The following CALN1 variants were observed in gnomAD, a reference collection of about 807,000 sequenced individuals.
CALN1 encodes calneuron 1.
CALN1 carries 17 observed loss-of-function variants against 30.6 expected under a neutral mutation model. The ratio of observed to expected loss-of-function variants is 0.56; its 90% CI spans 0.38 to 0.83. The LOEUF (loss-of-function observed/expected upper bound fraction) is 0.83. CALN1 is among the 40% of genes least tolerant of loss of function. The pLI is 0.00. For synonymous variants in CALN1, 156 were observed against 131.4 expected, an observed-to-expected ratio of 1.19 and a Z score of -1.28; for missense variants, 291 against 354.9, an observed-to-expected ratio of 0.82 and a Z score of 1.45.
chr7:72,052,204 T>C (rs964178047), intron 4 of CALN1, among the ~76,000 whole-genome samples: 1 of 152,150 alleles, frequency 6.6e-6, no homozygotes, highest in African/African-American at 2.4e-5. Context: ...AAATCAATCG[T>C]TTCCTTGTGT....
At chr7:72,410,331 T>A (rs917852462) in intron 1 of CALN1, among the ~76,000 whole-genome samples, 4 of 152,178 alleles carry the variant, frequency 2.6e-5, no homozygotes, top group Admixed American at 2.6e-4. Flanking sequence ...ATCTTACTAC[T>A]AAGATGTATT....
At chr7:72,044,808 T>C (rs564472729) in intron 4 of CALN1, among the ~76,000 whole-genome samples, 104 of 151,814 alleles carry the variant, frequency 6.9e-4, no homozygotes, top group Non-Finnish European at 1.3e-3. Flanking sequence ...TTCGAAGAGA[T>C]GGGGTCTCAC....
intron 5 of CALN1, among the ~76,000 whole-genome samples, chr7:71,914,329 T>A (rs1251706132): frequency 1.3e-5 from 2 of 152,178 alleles, no homozygotes; most frequent in African/African-American, 4.8e-5. Flanking sequence ...CCTGCGTTAG[T>A]TTGCTAAGGA....
chr7:72,166,942 T>A (rs1422170094), intron 3 of CALN1, among the ~76,000 whole-genome samples: 1 of 151,648 alleles, frequency 6.6e-6, no homozygotes, highest in Non-Finnish European at 1.5e-5. Flanking sequence ...GCTGAGGAAT[T>A]AGAATTGCTT....
chr7:72,436,444 A>T (rs1397608324), intron 1 of CALN1, among the ~76,000 whole-genome samples: 4 of 152,186 alleles, frequency 2.6e-5, no homozygotes, highest in African/African-American at 9.7e-5. Context: ...CTGTGAGTCC[A>T]TTAAACATCT....
At chr7:72,237,491 G>A (rs563580482) in intron 3 of CALN1, among the ~76,000 whole-genome samples, 1 of 152,218 alleles carries the variant, frequency 6.6e-6, no homozygotes, top group Admixed American at 6.5e-5. Context: ...GAGGACTAGA[G>A]AGAGCAGCAG....
chr7:72,308,372 G>GGC (rs373934467), intron 2 of CALN1, among the ~76,000 whole-genome samples: 1 of 92,624 alleles, frequency 1.1e-5, no homozygotes, highest in Admixed American at 1.1e-4. Flanking sequence ...TGTGGGGGGG[G>GGC]GAGAGAGAGA....
chr7:71,984,939 G>C (rs559465911), intron 5 of CALN1, among the ~76,000 whole-genome samples: 2 of 152,224 alleles, frequency 1.3e-5, no homozygotes, highest in South Asian at 4.1e-4. Flanking sequence ...AAAGATGGAA[G>C]TTCTTTCTCT....
chr7:72,219,367 A>C (rs1793093819), intron 3 of CALN1, among the ~76,000 whole-genome samples: 1 of 152,174 alleles, frequency 6.6e-6, no homozygotes. Flanking sequence ...CTAGGACTAC[A>C]GGTGCATTCC....
At chr7:72,330,878 G>A (rs1038213288) in intron 2 of CALN1, among the ~76,000 whole-genome samples, 1 of 152,068 alleles carries the variant, frequency 6.6e-6, no homozygotes, top group Non-Finnish European at 1.5e-5. Context: ...AGTCTTGCTC[G>A]GACTTCGATT....
chr7:72,287,227 A>C (rs746375558), intron 2 of CALN1, among the ~76,000 whole-genome samples: 4 of 152,062 alleles, frequency 2.6e-5, no homozygotes, highest in Non-Finnish European at 5.9e-5. Context: ...CTCCCTCCAC[A>C]GTGACAACTC....
intron 5 of CALN1, among the ~76,000 whole-genome samples, chr7:71,917,509 C>T (rs183323615): frequency 1.1e-4 from 17 of 152,246 alleles, no homozygotes; most frequent in African/African-American, 3.9e-4. Flanking sequence ...TCTCACACTG[C>T]TATAAAGAAA....
intron 5 of CALN1, among the ~76,000 whole-genome samples, chr7:71,941,675 G>A (rs762830794): frequency 2.0e-5 from 3 of 152,134 alleles, no homozygotes; most frequent in Admixed American, 1.3e-4. Context: ...TGAGAAATTA[G>A]AGAAAAAAGA....
intron 5 of CALN1, among the ~76,000 whole-genome samples, chr7:71,896,211 AT>A (rs1212980552): frequency 6.6e-6 from 1 of 152,150 alleles, no homozygotes; most frequent in Non-Finnish European, 1.5e-5. Flanking sequence ...ACGTGATTTG[AT>A]TGGTAATGTC....
Position 72,081,880 on chromosome 7 carries a change from G to C in CALN1, c.388+24271C>G, listed in dbSNP as rs558671495. On this transcript the variant is annotated intron_variant, in intron 4 of 6. Coordinates refer to ENST00000395275, the MANE Select transcript of CALN1 (RefSeq NM_031468.4). ...CTAAGAAATAAAGAAATCTAAAAAA[G>C]ATAAATTCTGCAAAGTGATGAGTCC... Among the ~76,000 whole-genome samples the C allele has an allele frequency of 3.3e-5, 5 of 152,252 alleles. No homozygotes were observed. In the East Asian group the frequency reaches 9.7e-4, roughly 29 times the overall value.
chr7:72,342,488 G>A (rs190660331), intron 2 of CALN1, among the ~76,000 whole-genome samples: 4 of 152,184 alleles, frequency 2.6e-5, no homozygotes, highest in Admixed American at 2.6e-4. Context: ...ACCAATTACC[G>A]GGATGGAGGC....
chr7:71,921,950 A>G (rs903612609), intron 5 of CALN1, among the ~76,000 whole-genome samples: 1 of 151,912 alleles, frequency 6.6e-6, no homozygotes, highest in African/African-American at 2.4e-5. Flanking sequence ...TTTGGTTCCC[A>G]TAGCCTCCTG....
At chr7:72,037,935 G>A (rs1176892349) in intron 4 of CALN1, among the ~76,000 whole-genome samples, 4 of 152,196 alleles carry the variant, frequency 2.6e-5, no homozygotes, top group African/African-American at 4.8e-5. Context: ...CCCACAGGGG[G>A]AAAATAAAAG....
At chr7:72,121,224 T>G (rs1278299577) in intron 3 of CALN1, among the ~76,000 whole-genome samples, 1 of 143,912 alleles carries the variant, frequency 6.9e-6, no homozygotes, top group Non-Finnish European at 1.5e-5. Context: ...ATGTATTATA[T>G]AACTATATAA....
Sources: allele counts gnomAD v4.1 joint callset (sites outside exome capture counted in the v4.1 genomes callset), GRCh38; gene constraint gnomAD v4.1.1; transcripts MANE v1.5; gene names NCBI Gene and HGNC (gene_info 2026-07-23, HGNC 2026-07-21).